Variants in SLC37A1 observed in about 807,000 individuals in gnomAD.
SLC37A1 encodes the protein solute carrier family 37 member 1, also known as glucose-6-phosphate exchanger SLC37A1.
SLC37A1 carries 49 observed loss-of-function variants against 75.3 expected under a neutral mutation model. The observed-to-expected ratio is 0.65, with a 90% CI of 0.52 to 0.83. The LOEUF is 0.83. Among genes scored for constraint, SLC37A1 ranks in the 40% least tolerant of loss-of-function variants. The pLI, the probability that SLC37A1 is intolerant of heterozygous loss-of-function variation, is 0.00. For missense variants in SLC37A1, 566 were observed against 695.0 expected (o/e 0.81, Z 2.09); for synonymous variants, 268 against 292.1 (o/e 0.92, Z 0.84).
At chr21:42,505,983 T>C (rs936620478) in intron 2 of SLC37A1, among the ~76,000 whole-genome samples, 1 of 152,180 alleles carries the variant, frequency 6.6e-6, no homozygotes, top group Non-Finnish European at 1.5e-5. Flanking sequence ...GAGCACAAAT[T>C]GGTTGAATGT....
rs913570272 is a variant in SLC37A1, at chr21:42,540,037, C to T, written c.486+390C>T. ...GAAGCCCCAGCTGCAGTCACCCTAA[C>T]AGCGGTGGCAGGGAGTTCCCACCAG... On this transcript the variant is annotated intron_variant, in intron 6 of 19. Transcript: ENST00000352133. Among the ~76,000 whole-genome samples, 31 of 121,852 alleles carry T rather than the reference C, an allele frequency of 2.5e-4. 1 individual carries two copies. Among genetic ancestry groups the T allele is most frequent in the African/African-American group, 9.8e-4 (30 of 30,654 alleles). The allele number at this position is 121,852 out of a possible 152,430, so 79.9% of individuals were successfully genotyped here.
At chr21:42,523,199 C>T (rs538672303) in intron 2 of SLC37A1, among the ~76,000 whole-genome samples, 2 of 152,344 alleles carry the variant, frequency 1.3e-5, no homozygotes, top group Admixed American at 6.5e-5. Flanking sequence ...CTGCATGGAG[C>T]AGGAGAGATG....
chr21:42,505,231 C>T (rs1469959209), intron 2 of SLC37A1, among the ~76,000 whole-genome samples: 1 of 152,204 alleles, frequency 6.6e-6, no homozygotes. Context: ...GATGTGGCCA[C>T]TAAGTCCCTC....
chr21:42,551,721 C>A (rs2055561342), intron 9 of SLC37A1, among the ~76,000 whole-genome samples: 1 of 152,200 alleles, frequency 6.6e-6, no homozygotes, highest in East Asian at 1.9e-4. Flanking sequence ...TTGAGCAAGG[C>A]CTAGGCAAGG....
At chr21:42,558,414 T>G (rs1218681274) in intron 10 of SLC37A1, among the ~76,000 whole-genome samples, 1 of 152,244 alleles carries the variant, frequency 6.6e-6, no homozygotes, top group Non-Finnish European at 1.5e-5. Flanking sequence ...TACACATAAT[T>G]CCACCACTCG....
intron 1 of SLC37A1, among the ~76,000 whole-genome samples, chr21:42,500,187 A>T (rs115322413): frequency 6.6e-6 from 1 of 152,230 alleles, no homozygotes; most frequent in Non-Finnish European, 1.5e-5. Context: ...TAACTATAGA[A>T]CTATGAGGTT....
intron 17 of SLC37A1, 24 bp from the exon 18 acceptor site, chr21:42,574,794 G>C: frequency 6.2e-7 from 1 of 1,613,202 alleles, no homozygotes; most frequent in Non-Finnish European, 8.5e-7. Context: ...ACAGCACCAT[G>C]TGTGTCCATT....
chr21:42,574,933 T>C lies in SLC37A1; in HGVS notation c.1521+18T>C, dbSNP rs2056273736. 5 of 1,613,764 alleles carry C rather than the reference T, an allele frequency of 3.1e-6. No homozygotes were observed. The highest frequency in any genetic ancestry group is 1.7e-6 in the Non-Finnish European group (2 of 1,179,864). ...CCTTACTGGTAAGTCGGCCTATTTT[T>C]AGTCCAATCCACCTTGAATGCAGAT... On this transcript the variant is annotated intron_variant, in intron 18 of 19. Transcript: ENST00000352133.
At chr21:42,563,329 A>G (rs1314145573) in intron 12 of SLC37A1, among the ~76,000 whole-genome samples, 1 of 152,142 alleles carries the variant, frequency 6.6e-6, no homozygotes. Flanking sequence ...GCTGGGTTTG[A>G]CCCACAGCCC....
chr21:42,512,126 G>A (rs2054440963), upstream of SLC37A1, among the ~76,000 whole-genome samples: 1 of 146,718 alleles, frequency 6.8e-6, no homozygotes, highest in African/African-American at 2.5e-5. Context: ...CTTGACTGTG[G>A]CAATAATTTT....
At chr21:42,518,171 C>G in intron 1 of SLC37A1, 106 bp from the exon 2 acceptor site, 1 of 432,288 alleles carries the variant, frequency 2.3e-6, no homozygotes, top group South Asian at 2.3e-5. Context: ...CAGCTTTGAT[C>G]AGGACTGGGT....
chr21:42,513,061 C>T (rs1027644848), upstream of SLC37A1, among the ~76,000 whole-genome samples: 9 of 152,234 alleles, frequency 5.9e-5, no homozygotes, highest in Non-Finnish European at 8.8e-5. Flanking sequence ...GGAAAATTTC[C>T]GCTCTGCCTC....
At chr21:42,579,205 G>A (rs1402459816) in intron 18 of SLC37A1, among the ~76,000 whole-genome samples, 2 of 152,194 alleles carry the variant, frequency 1.3e-5, no homozygotes, top group Non-Finnish European at 2.9e-5. Context: ...CTGGGCCCCG[G>A]CCAGGCCTGG....
At chr21:42,544,307 G>A (rs2055354938) in intron 8 of SLC37A1, among the ~76,000 whole-genome samples, 1 of 152,214 alleles carries the variant, frequency 6.6e-6, no homozygotes, top group African/African-American at 2.4e-5. Context: ...GCTCCCTCAT[G>A]CTGCCTGCCA....
chr21:42,508,383 C>G (rs182179836), intron 2 of SLC37A1, among the ~76,000 whole-genome samples: 1 of 152,318 alleles, frequency 6.6e-6, no homozygotes, highest in African/African-American at 2.4e-5. Context: ...CCTGCCTCAG[C>G]CTCCCAGAGT....
chr21:42,580,408 C>T lies in SLC37A1; in HGVS notation c.*48C>T. The T allele has an allele frequency of 6.2e-7, 1 of 1,604,610 alleles. No homozygotes were observed. The highest frequency in any genetic ancestry group is 1.1e-5 in the South Asian group (1 of 88,976). On this transcript the variant is annotated 3_prime_UTR_variant, in exon 20 of 20. Coordinates refer to ENST00000352133, the MANE Select transcript of SLC37A1 (RefSeq NM_001320537.2). Reference sequence around the variant, plus strand: ...GGGGGTCTGGGCCCACCCTTCACAACTGCCTTTCAAGGACAGTTCAGACAA... The same window carrying T: ...GGGGGTCTGGGCCCACCCTTCACAATTGCCTTTCAAGGACAGTTCAGACAA...
chr21:42,530,627 C>A (rs543735271), intron 3 of SLC37A1, among the ~76,000 whole-genome samples: 1 of 110,386 alleles, frequency 9.1e-6, no homozygotes, highest in African/African-American at 3.2e-5. Flanking sequence ...CACACACACA[C>A]ACACACACAC....
At chr21:42,575,644 C>T in intron 18 of SLC37A1, 4 of 985,548 alleles carry the variant, frequency 4.1e-6, no homozygotes, top group Non-Finnish European at 3.6e-6. Flanking sequence ...CCCAGACCCA[C>T]AGCCATGCCT....
chr21:42,538,264 A>G (rs561341418), intron 5 of SLC37A1, among the ~76,000 whole-genome samples: 1 of 152,278 alleles, frequency 6.6e-6, no homozygotes, highest in South Asian at 2.1e-4. Flanking sequence ...TAGCTCTACA[A>G]TGCTCTTGAG....
Sources: gnomAD v4.1 joint callset for allele counts (sites outside exome capture counted in the v4.1 genomes callset) on GRCh38, gnomAD v4.1.1 for gene constraint, MANE v1.5 for transcripts, NCBI Gene and HGNC (gene_info 2026-07-23, HGNC 2026-07-21) for gene names.